The following FSTL5 variants were observed in gnomAD, a reference collection of about 807,000 sequenced individuals.
FSTL5 encodes the protein follistatin-related protein 5.
In FSTL5, 62 loss-of-function variants were observed where a neutral mutation model predicts 89.1. The observed-to-expected ratio is 0.70, with a 90% CI of 0.57 to 0.86. The LOEUF (loss-of-function observed/expected upper bound fraction) is 0.86. FSTL5 is among the 40% of genes least tolerant of loss of function. The pLI is 0.00. For missense variants in FSTL5, 1,057 were observed against 1,001.6 expected (o/e 1.06, Z -0.75); for synonymous variants, 383 against 346.2 (o/e 1.11, Z -1.18).
chr4:161,789,973 C>T (rs1729403525), intron 4 of FSTL5, among the ~76,000 whole-genome samples: 1 of 152,180 alleles, frequency 6.6e-6, no homozygotes. Context: ...AAAAGTGCAG[C>T]TCAGTAACCG....
intron 1 of FSTL5, among the ~76,000 whole-genome samples, chr4:162,127,999 G>A (rs1732149568): frequency 2.0e-5 from 3 of 152,014 alleles, no homozygotes; most frequent in African/African-American, 7.3e-5. Flanking sequence ...CAAAAACTAT[G>A]GTCCAAATAG....
At chr4:161,960,666 T>C (rs1735151899) in intron 3 of FSTL5, among the ~76,000 whole-genome samples, 1 of 152,104 alleles carries the variant, frequency 6.6e-6, no homozygotes, top group Non-Finnish European at 1.5e-5. Flanking sequence ...TACAATAATT[T>C]ATTTCAAATT....
rs151090908 is a variant in FSTL5, at chr4:161,481,890, T to G, written c.1459-721A>C. 4.9e-3 allele frequency among the ~76,000 whole-genome samples: 740 copies of G among 152,304 alleles called. 7 individuals carry two copies. The highest frequency in any genetic ancestry group is 7.5e-3 in the Non-Finnish European group (508 of 68,024). On this transcript the variant is annotated intron_variant, in intron 12 of 15. Coordinates refer to ENST00000306100, the MANE Select transcript of FSTL5 (RefSeq NM_020116.5). The stretch of plus-strand genomic sequence containing the variant: ...TCAAAAAATGATTGTGGAGGAGATA[T>G]GCAAGCCCTTGTGATTTATCCTGGG...
At chr4:161,437,860 C>G (rs1012696912) in intron 15 of FSTL5, among the ~76,000 whole-genome samples, 1 of 151,952 alleles carries the variant, frequency 6.6e-6, no homozygotes, top group Non-Finnish European at 1.5e-5. Context: ...CTGAAGTCCT[C>G]GAGAGGATTT....
At chr4:162,104,596 A>G (rs1016508590) in intron 2 of FSTL5, among the ~76,000 whole-genome samples, 4 of 152,220 alleles carry the variant, frequency 2.6e-5, no homozygotes, top group African/African-American at 4.8e-5. Flanking sequence ...TATGGTGTGC[A>G]CTAGTGTAAC....
chr4:161,472,754 G>A (rs1386096810), intron 13 of FSTL5, among the ~76,000 whole-genome samples: 1 of 148,550 alleles, frequency 6.7e-6, no homozygotes, highest in Non-Finnish European at 1.5e-5. Context: ...TTGAGACGGA[G>A]TCTCACTCTT....
chr4:161,964,410 A>C (rs193086373), intron 3 of FSTL5, among the ~76,000 whole-genome samples: 352 of 152,206 alleles, frequency 2.3e-3, no homozygotes, highest in Admixed American at 5.8e-3. Context: ...ACCATGTAGA[A>C]TCTTAAAAAT....
chr4:161,565,080 A>T (rs962180926), intron 8 of FSTL5, among the ~76,000 whole-genome samples: 4 of 152,052 alleles, frequency 2.6e-5, no homozygotes, highest in African/African-American at 4.8e-5. Flanking sequence ...GGCAAAGTTT[A>T]CTTAAAATGA....
chr4:161,700,129 C>G (rs967646147), intron 6 of FSTL5, among the ~76,000 whole-genome samples: 7 of 152,114 alleles, frequency 4.6e-5, no homozygotes, highest in Admixed American at 1.3e-4. Context: ...TTACCATATG[C>G]TTGTAACTAT....
At chr4:161,490,044 C>T (rs1331982330) in intron 12 of FSTL5, among the ~76,000 whole-genome samples, 1 of 151,970 alleles carries the variant, frequency 6.6e-6, no homozygotes, top group Non-Finnish European at 1.5e-5. Flanking sequence ...AAAACAGAGA[C>T]ATGAATTCTG....
chr4:162,157,320 A>G (rs1733519133), intron 1 of FSTL5, among the ~76,000 whole-genome samples: 1 of 152,146 alleles, frequency 6.6e-6, no homozygotes, highest in African/African-American at 2.4e-5. Flanking sequence ...GCCAGAAAAA[A>G]AATAGAATGG....
intron 6 of FSTL5, among the ~76,000 whole-genome samples, chr4:161,725,633 A>T (rs1739371045): frequency 6.6e-6 from 1 of 152,142 alleles, no homozygotes; most frequent in Non-Finnish European, 1.5e-5. Context: ...GCATCTGTAA[A>T]AAGACAAGTT....
At chr4:161,501,236 A>G (rs1217455500) in intron 11 of FSTL5, among the ~76,000 whole-genome samples, 1 of 152,274 alleles carries the variant, frequency 6.6e-6, no homozygotes, top group South Asian at 2.1e-4. Context: ...TCTAAGCATT[A>G]TTAATTTTTT....
chr4:161,980,724 T>G (rs1385757913), intron 3 of FSTL5, among the ~76,000 whole-genome samples: 1 of 150,918 alleles, frequency 6.6e-6, no homozygotes, highest in African/African-American at 2.4e-5. Flanking sequence ...TAAAAGAAAT[T>G]TAATAATAAA....
chr4:161,551,626 A>G (rs1167476006), intron 8 of FSTL5, among the ~76,000 whole-genome samples: 2 of 152,040 alleles, frequency 1.3e-5, no homozygotes, highest in African/African-American at 4.8e-5. Flanking sequence ...TGGTACTGGT[A>G]CCAAAACAGA....
chr4:161,561,504 G>A (rs1578926178), intron 8 of FSTL5, among the ~76,000 whole-genome samples: 1 of 151,938 alleles, frequency 6.6e-6, no homozygotes, highest in Non-Finnish European at 1.5e-5. Flanking sequence ...TTTTTGGTTT[G>A]GTGAAAATGT....
At chr4:161,498,189 A>G (rs564394538) in intron 12 of FSTL5, among the ~76,000 whole-genome samples, 1 of 152,134 alleles carries the variant, frequency 6.6e-6, no homozygotes, top group South Asian at 2.1e-4. Flanking sequence ...ACAATTCTAC[A>G]TTGTTTTTCT....
At chr4:162,052,132 G>A (rs751183364) in intron 2 of FSTL5, among the ~76,000 whole-genome samples, 1 of 151,530 alleles carries the variant, frequency 6.6e-6, no homozygotes, top group Non-Finnish European at 1.5e-5. Context: ...GAGACTTGAT[G>A]TAAAGAGTAG....
At chr4:161,842,129 A>G (rs78487762) in intron 4 of FSTL5, among the ~76,000 whole-genome samples, 1 of 152,232 alleles carries the variant, frequency 6.6e-6, no homozygotes, top group African/African-American at 2.4e-5. Context: ...TGATTATTGT[A>G]TTTTGAAGGT....
Sources: gnomAD v4.1 joint callset for allele counts (sites outside exome capture counted in the v4.1 genomes callset) on GRCh38, gnomAD v4.1.1 for gene constraint, MANE v1.5 for transcripts, NCBI Gene and HGNC (gene_info 2026-07-23, HGNC 2026-07-21) for gene names.